The following CERS3 variants were observed in gnomAD, a reference collection of about 807,000 sequenced individuals.
The protein encoded by CERS3 is LAG1 homolog, ceramide synthase 3.
In CERS3, 33 loss-of-function variants were observed where a neutral mutation model predicts 50.3. The ratio of observed to expected loss-of-function variants is 0.66; its 90% CI spans 0.50 to 0.88. CERS3 has a LOEUF of 0.88. CERS3 is among the 40% of genes least tolerant of loss of function. The pLI, the probability that CERS3 is intolerant of heterozygous loss-of-function variation, is 0.00. For synonymous variants in CERS3, 176 were observed against 155.2 expected (o/e 1.13, Z -0.99); for missense variants, 470 against 460.3 (o/e 1.02, Z -0.19).
rs577836035 is a variant in CERS3, at chr15:100,409,923, G to A, written c.1000-7058C>T. ...CCACAGGACTGTAATGATTTTGTGC[G>A]CAGTTCTTGCCCTGGCCGGAGCATA... is the stretch of plus-strand genomic sequence containing the variant. On this transcript the variant is annotated intron_variant, in intron 11 of 11. Coordinates refer to ENST00000679737, the MANE Select transcript of CERS3 (RefSeq NM_001378789.1). Among the ~76,000 whole-genome samples, 8 of 152,264 alleles carry A rather than the reference G, an allele frequency of 5.3e-5. No homozygotes were observed. In the East Asian group the frequency reaches 5.8e-4, roughly 11 times the overall value.
intron 11 of CERS3, among the ~76,000 whole-genome samples, chr15:100,453,189 C>T (rs1418133297): frequency 6.6e-6 from 1 of 151,852 alleles, no homozygotes; most frequent in African/African-American, 2.4e-5. Flanking sequence ...CAGACAAGGA[C>T]CCAACAACAA....
chr15:100,490,626 T>C, intron 4 of CERS3, 191 bp downstream of exon 4: 1 of 496,130 alleles, frequency 2.0e-6, no homozygotes, highest in South Asian at 3.1e-5. Flanking sequence ...TGTTATTTTA[T>C]ATTATCATAT....
At chr15:100,415,978 A>C (rs1001993089) in intron 11 of CERS3, among the ~76,000 whole-genome samples, 5 of 152,162 alleles carry the variant, frequency 3.3e-5, no homozygotes, top group African/African-American at 1.2e-4. Context: ...CACTGGAAAA[A>C]AATCACAGAT....
intron 11 of CERS3, among the ~76,000 whole-genome samples, chr15:100,441,037 C>T (rs1393665704): frequency 2.6e-5 from 4 of 152,182 alleles, no homozygotes; most frequent in Non-Finnish European, 5.9e-5. Flanking sequence ...CGCAGGGATG[C>T]CTGCCTTGGT....
intron 7 of CERS3, 128 bp downstream of exon 7, chr15:100,479,300 G>A: frequency 1.6e-6 from 1 of 612,212 alleles, no homozygotes; most frequent in Non-Finnish European, 2.8e-6. Context: ...GGAAGCTCAA[G>A]TAGAAAAAGT....
At chr15:100,462,993 A>C (rs759184089) in intron 10 of CERS3, among the ~76,000 whole-genome samples, 3 of 152,208 alleles carry the variant, frequency 2.0e-5, no homozygotes, top group Non-Finnish European at 2.9e-5. Flanking sequence ...TTAGGGCACA[A>C]GGAATTATTT....
At chr15:100,467,874 G>GATATAGATATAGATATAGATATAGAT (rs1555528343) in intron 10 of CERS3, among the ~76,000 whole-genome samples, 3 of 46,006 alleles carry the variant, frequency 6.5e-5, no homozygotes, top group African/African-American at 1.6e-4. Context: ...TAGATAGATA[G>GATATAGATATAGATATAGATATAGAT]ATAGATATAG....
chr15:100,420,229 T>TA (rs1336003886), intron 11 of CERS3, among the ~76,000 whole-genome samples: 4 of 141,904 alleles, frequency 2.8e-5, no homozygotes, highest in African/African-American at 1.0e-4. Flanking sequence ...ATAGACGCAA[T>TA]AAAAAATGAT....
chr15:100,490,982 GATGACACCAGA>G, intron 3 of CERS3, 51 bp from the exon 4 acceptor site: 1 of 1,032,062 alleles, frequency 9.7e-7, no homozygotes, highest in Non-Finnish European at 1.5e-6. Context: ...ATAAATCCAC[GATGACACCAGA>G]AAATTAAAGC....
intron 1 of CERS3, among the ~76,000 whole-genome samples, chr15:100,539,370 C>T (rs2037147410): frequency 6.6e-6 from 1 of 152,128 alleles, no homozygotes; most frequent in Non-Finnish European, 1.5e-5. Flanking sequence ...CTGTATTAGT[C>T]CATTTTCATA....
chr15:100,465,307 G>T (rs1161448728), intron 10 of CERS3, among the ~76,000 whole-genome samples: 1 of 152,136 alleles, frequency 6.6e-6, no homozygotes, highest in African/African-American at 2.4e-5. Flanking sequence ...CAGTACATTT[G>T]GATAGAATAA....
intron 5 of CERS3, 50 bp from the exon 6 acceptor site, chr15:100,480,096 T>G: frequency 7.2e-7 from 1 of 1,394,924 alleles, no homozygotes; most frequent in Non-Finnish European, 1.0e-6. Context: ...TAACTGAGAT[T>G]TGAGGAGAAA....
At chr15:100,523,268 T>C (rs1309506534) in intron 1 of CERS3, among the ~76,000 whole-genome samples, 1 of 152,246 alleles carries the variant, frequency 6.6e-6, no homozygotes, top group African/African-American at 2.4e-5. Context: ...ACTCCTTACA[T>C]GTTATTTGCA....
chr15:100,488,343 A>G (rs2035547299), intron 4 of CERS3, among the ~76,000 whole-genome samples: 2 of 152,206 alleles, frequency 1.3e-5, no homozygotes, highest in Admixed American at 6.5e-5. Flanking sequence ...GTTATCTACA[A>G]ATATTACCAA....
chr15:100,476,488 A>T (rs529515228), intron 7 of CERS3, among the ~76,000 whole-genome samples: 1 of 152,326 alleles, frequency 6.6e-6, no homozygotes, highest in African/African-American at 2.4e-5. Context: ...AAAAAAATTA[A>T]AAATCTTTAC....
At chr15:100,497,258 TAG>T (rs993029099) in intron 3 of CERS3, among the ~76,000 whole-genome samples, 14 of 151,420 alleles carry the variant, frequency 9.2e-5, no homozygotes, top group Non-Finnish European at 1.5e-4. Flanking sequence ...GACATATATA[TAG>T]AGAGAGAGAC....
intron 11 of CERS3, among the ~76,000 whole-genome samples, chr15:100,414,032 C>G (rs1238483509): frequency 6.6e-6 from 1 of 152,116 alleles, no homozygotes; most frequent in East Asian, 1.9e-4. Context: ...AGAGCTGGTA[C>G]CAATCCTACT....
At chr15:100,449,964 G>C (rs942265075) in intron 11 of CERS3, among the ~76,000 whole-genome samples, 1 of 151,988 alleles carries the variant, frequency 6.6e-6, no homozygotes, top group Non-Finnish European at 1.5e-5. Context: ...TGAGATATAA[G>C]AGAACACAGA....
At chr15:100,423,289 A>G (rs1012540374) in intron 11 of CERS3, among the ~76,000 whole-genome samples, 3 of 152,160 alleles carry the variant, frequency 2.0e-5, no homozygotes, top group African/African-American at 7.2e-5. Context: ...AAGAAATATA[A>G]ATTGTTCTAC....
Sources: gnomAD v4.1 joint callset for allele counts (sites outside exome capture counted in the v4.1 genomes callset) on GRCh38, gnomAD v4.1.1 for gene constraint, MANE v1.5 for transcripts, NCBI Gene and HGNC (gene_info 2026-07-23, HGNC 2026-07-21) for gene names.